The following CD36 variants were observed in gnomAD, a reference collection of about 807,000 sequenced individuals.
CD36 encodes the protein CD36 molecule (CD36 blood group).
A neutral mutation model predicts 55.2 loss-of-function variants in CD36; 119 were observed. The observed-to-expected ratio is 2.15, with a 90% CI of 1.86 to 2.51. The LOEUF (loss-of-function observed/expected upper bound fraction) is 2.51, where lower values mean the gene tolerates loss of function less well. Among genes scored for constraint, CD36 ranks in the 30% most tolerant of loss-of-function variants. The pLI is 0.00. For missense variants in CD36, 819 were observed against 555.5 expected (o/e 1.47, Z -4.77); for synonymous variants, 186 against 193.6 (o/e 0.96, Z 0.33).
intron 9 of CD36, 30 bp from the exon 10 acceptor site, chr7:80,670,947 G>A (rs1584460376): frequency 1.3e-6 from 2 of 1,522,658 alleles, no homozygotes; most frequent in African/African-American, 2.7e-5. Flanking sequence ...TCAGGTTCCT[G>A]GAATGCAGCT....
intron 1 of CD36, among the ~76,000 whole-genome samples, chr7:80,611,625 C>T (rs764037585): frequency 6.6e-6 from 1 of 152,102 alleles, no homozygotes; most frequent in Non-Finnish European, 1.5e-5. Flanking sequence ...CTGACAGTGA[C>T]CCGGTAAGAA....
chr7:80,607,834 C>T (rs959688666), intron 1 of CD36, among the ~76,000 whole-genome samples: 5 of 152,036 alleles, frequency 3.3e-5, no homozygotes, highest in African/African-American at 1.2e-4. Context: ...TACGGTGGTG[C>T]AATTTCGGCT....
chr7:80,672,711 T>C lies in CD36; in HGVS notation c.1126-59T>C, dbSNP rs149868589. On this transcript the variant is annotated intron_variant, in intron 11 of 14. Transcript: ENST00000447544. ...CTTCTGCTGTAAGAAAAATAAGTTT[T>C]GAATAGTATAAAATAATGTTTTTAA... 306 of 1,196,400 alleles carry C rather than the reference T, an allele frequency of 2.6e-4. 1 individual carries two copies. In the African/African-American group the frequency reaches 4.1e-3, roughly 16 times the overall value. The allele number at this position is 1,196,400 out of a possible 1,614,324, so 74.1% of individuals were successfully genotyped here.
At chr7:80,610,773 C>A (rs895608850) in intron 1 of CD36, among the ~76,000 whole-genome samples, 5 of 152,092 alleles carry the variant, frequency 3.3e-5, no homozygotes, top group Non-Finnish European at 7.4e-5. Context: ...ACTGGTTTCA[C>A]TGTGTTAGCC....
chr7:80,641,670 A>T (rs914816849), intron 1 of CD36, among the ~76,000 whole-genome samples: 1 of 152,156 alleles, frequency 6.6e-6, no homozygotes, highest in Admixed American at 6.6e-5. Flanking sequence ...TTCAAATTTC[A>T]TAGTTTACAT....
At chr7:80,649,435 G>T (rs2116453812) in intron 3 of CD36, among the ~76,000 whole-genome samples, 1 of 152,010 alleles carries the variant, frequency 6.6e-6, no homozygotes, top group South Asian at 2.1e-4. Flanking sequence ...AAAGATATTT[G>T]CATAATCTGC....
At chr7:80,650,333 G>A (rs3211829) in intron 3 of CD36, among the ~76,000 whole-genome samples, 2 of 152,100 alleles carry the variant, frequency 1.3e-5, no homozygotes, top group African/African-American at 4.8e-5. Context: ...TATGAAGTAG[G>A]TGGAATATTG....
chr7:80,603,732 A>C (rs1792371818), intron 1 of CD36, among the ~76,000 whole-genome samples: 1 of 151,420 alleles, frequency 6.6e-6, no homozygotes. Context: ...TCACCTGGGG[A>C]AAAGATAAGC....
intron 3 of CD36, among the ~76,000 whole-genome samples, chr7:80,652,092 A>G (rs1425487754): frequency 6.6e-6 from 1 of 151,896 alleles, no homozygotes; most frequent in Non-Finnish European, 1.5e-5. Context: ...AGTTTGTTTT[A>G]TATTTAATAA....
intron 4 of CD36, 78 bp downstream of exon 4, chr7:80,656,778 C>A: frequency 1.6e-6 from 2 of 1,277,338 alleles, no homozygotes; most frequent in Non-Finnish European, 2.3e-6. Context: ...TGGCAAATGT[C>A]ATTGTATTGA....
intron 1 of CD36, among the ~76,000 whole-genome samples, chr7:80,602,895 T>C (rs546873020): frequency 6.6e-6 from 1 of 152,268 alleles, no homozygotes; most frequent in Non-Finnish European, 1.5e-5. Flanking sequence ...TCTGAAAATG[T>C]TTTTTGGCTT....
chr7:80,678,366 G>A lies in CD36; in HGVS notation c.*1983G>A, dbSNP rs1230392507. 6.6e-6 allele frequency: 1 copy of A among 152,106 alleles called. No individual in the cohort carries two copies. Among genetic ancestry groups the A allele is most frequent in the African/African-American group, 2.4e-5 (1 of 41,416 alleles). 9.4% of individuals were successfully genotyped at this position (152,106 alleles called of 1,614,324 possible). A position where few individuals can be genotyped will look rare whatever the true frequency, so the allele number is the denominator to read the frequency against. On this transcript the variant is annotated 3_prime_UTR_variant, in exon 15 of 15. Transcript: ENST00000447544. ...CATAACTTAAGTTTGAAAATCAATA[G>A]CGTCTGCAAATGGATTAACAGATTA...
At chr7:80,645,752 A>G (rs891684933) in intron 1 of CD36, among the ~76,000 whole-genome samples, 25 of 152,286 alleles carry the variant, frequency 1.6e-4, no homozygotes, top group Admixed American at 4.6e-4. Flanking sequence ...ATGACAAACT[A>G]TATTGTAGTT....
intron 3 of CD36, among the ~76,000 whole-genome samples, chr7:80,655,396 G>A (rs372422647): frequency 3.3e-5 from 5 of 152,258 alleles, no homozygotes; most frequent in East Asian, 3.9e-4. Context: ...ACCCTAGGGA[G>A]GTTTGATGAC....
chr7:80,655,247 A>G (rs1298218552), intron 3 of CD36, among the ~76,000 whole-genome samples: 1 of 152,194 alleles, frequency 6.6e-6, no homozygotes, highest in African/African-American at 2.4e-5. Context: ...TTCATTAGAA[A>G]TACCGCCTGC....
intron 4 of CD36, among the ~76,000 whole-genome samples, chr7:80,657,662 C>A (rs1796197939): frequency 6.6e-6 from 1 of 151,950 alleles, no homozygotes; most frequent in Non-Finnish European, 1.5e-5. Flanking sequence ...CTGTCTTTTT[C>A]ACTAAAAAGG....
At position 80,610,857 on chromosome 7, in the gene CD36, G is replaced by A. The variant is rs113579331; in HGVS notation, c.-184+8478G>A. ...CAAAGTGTTGGGATTACAGGCCTGA[G>A]CCACGGCACCCAGCCAGATTTTTTT... is the stretch of plus-strand genomic sequence containing the variant. On this transcript the variant is annotated intron_variant, in intron 1 of 13. Coordinates refer to the CD36 transcript ENST00000309881. 2.3e-3 allele frequency among the ~76,000 whole-genome samples: 346 copies of A among 152,258 alleles called. 3 individuals are homozygous for A. The highest frequency in any genetic ancestry group is 7.8e-3 in the African/African-American group (322 of 41,538).
rs2116945327 is a variant in CD36, at chr7:80,676,904, A to C, written c.*521A>C. ...AATGATAAAGGAATTATTGTATGAA[A>C]TATTACAAAGCGTAGACTATGCATT... On this transcript the variant is annotated 3_prime_UTR_variant, in exon 15 of 15. Coordinates refer to ENST00000447544, the MANE Select transcript of CD36 (RefSeq NM_001001548.3). The C allele has an allele frequency of 6.6e-6, 1 of 152,290 alleles. No individual in the cohort carries two copies. The highest frequency in any genetic ancestry group is 1.9e-4 in the East Asian group (1 of 5,182). 9.4% of individuals were successfully genotyped at this position (152,290 alleles called of 1,614,324 possible).
intron 3 of CD36, chr7:80,647,101 A>C (rs531539911): frequency 5.2e-5 from 23 of 440,436 alleles, no homozygotes; most frequent in African/African-American, 4.8e-4. Flanking sequence ...TTCTATTAAA[A>C]GCTGTCTACA....
Sources: allele counts gnomAD v4.1 joint callset (sites outside exome capture counted in the v4.1 genomes callset), GRCh38; gene constraint gnomAD v4.1.1; transcripts MANE v1.5; gene names NCBI Gene and HGNC (gene_info 2026-07-23, HGNC 2026-07-21).